DNM3: variants seen among roughly 807,000 people sequenced by gnomAD.
The protein encoded by DNM3 is dynamin 3.
A neutral mutation model predicts 101.6 loss-of-function variants in DNM3; 47 were observed. The ratio of observed to expected loss-of-function variants is 0.46; its 90% CI spans 0.37 to 0.59. The LOEUF is 0.59. Ranked by LOEUF, DNM3 falls within the 20% of genes least tolerant of loss-of-function variation. The pLI is 0.00. For missense variants in DNM3, 849 were observed against 1,085.7 expected, an observed-to-expected ratio of 0.78 and a Z score of 3.06; for synonymous variants, 385 against 387.9, an observed-to-expected ratio of 0.99 and a Z score of 0.09.
rs535906447 is a variant in DNM3, at chr1:172,116,944, G to A, written c.1546-14231G>A. On this transcript the variant is annotated intron_variant, in intron 13 of 20. Coordinates refer to ENST00000627582, the MANE Select transcript of DNM3 (RefSeq NM_015569.5). Reference sequence around the variant, plus strand: ...CACTGGGCCGGACGTGGTGGTTCCCGCTTGTATTCCCATCACTTTGGGAGG... The same window carrying A: ...CACTGGGCCGGACGTGGTGGTTCCCACTTGTATTCCCATCACTTTGGGAGG... Among the ~76,000 whole-genome samples, 107 of 152,082 alleles carry A rather than the reference G, an allele frequency of 7.0e-4. 1 individual carries two copies. In the Middle Eastern group the frequency reaches 0.01, roughly 15 times the overall value.
chr1:171,970,783 T>C (rs947489458), intron 2 of DNM3, among the ~76,000 whole-genome samples: 1 of 146,246 alleles, frequency 6.8e-6, no homozygotes, highest in African/African-American at 2.4e-5. Context: ...TGGTCACTGT[T>C]TTTCAATGGG....
At chr1:172,093,644 A>G in intron 13 of DNM3, 1 of 1,542,016 alleles carries the variant, frequency 6.5e-7, no homozygotes, top group Non-Finnish European at 8.8e-7. Context: ...AACAGACTTT[A>G]TTTTAAAAAC....
intron 1 of DNM3, among the ~76,000 whole-genome samples, chr1:171,903,573 A>C (rs1487179952): frequency 6.6e-6 from 1 of 152,222 alleles, no homozygotes. Flanking sequence ...AAGTACAGGT[A>C]AAAGAGAGTT....
intron 14 of DNM3, among the ~76,000 whole-genome samples, chr1:172,157,528 T>A (rs927290945): frequency 1.3e-5 from 2 of 152,096 alleles, no homozygotes; most frequent in Non-Finnish European, 2.9e-5. Context: ...TATGAAGCAC[T>A]TAGGATATAC....
At chr1:172,147,993 C>G (rs1463175289) in intron 14 of DNM3, among the ~76,000 whole-genome samples, 3 of 151,866 alleles carry the variant, frequency 2.0e-5, no homozygotes, top group Non-Finnish European at 4.4e-5. Flanking sequence ...TATTATCATC[C>G]CCATTTTATT....
intron 14 of DNM3, chr1:172,139,594 G>GT (rs897033561): frequency 4.7e-4 from 72 of 152,464 alleles, no homozygotes; most frequent in African/African-American, 1.6e-3. Context: ...AGGCAGTTGT[G>GT]AGCTTAAGTT....
intron 14 of DNM3, among the ~76,000 whole-genome samples, chr1:172,229,980 C>T (rs2061273367): frequency 6.6e-6 from 1 of 152,174 alleles, no homozygotes; most frequent in African/African-American, 2.4e-5. Flanking sequence ...ATCCTTTGCT[C>T]TTGCTTTTAT....
chr1:172,086,554 A>C (rs1406137673), intron 12 of DNM3, among the ~76,000 whole-genome samples: 1 of 151,632 alleles, frequency 6.6e-6, no homozygotes, highest in Non-Finnish European at 1.5e-5. Context: ...AGTGCAATGA[A>C]GGCAATAAAT....
intron 2 of DNM3, among the ~76,000 whole-genome samples, chr1:171,942,382 AC>A (rs1456877555): frequency 1.3e-5 from 2 of 152,056 alleles, no homozygotes; most frequent in Admixed American, 6.6e-5. Flanking sequence ...TATACAGCAA[AC>A]TTTTATGTAA....
intron 1 of DNM3, among the ~76,000 whole-genome samples, chr1:171,881,428 T>G (rs185705767): frequency 1.4e-3 from 208 of 152,326 alleles, no homozygotes; most frequent in African/African-American, 4.9e-3. Flanking sequence ...AAAATTCTCC[T>G]GTGACGTTTT....
chr1:171,962,184 G>A (rs528825380), intron 2 of DNM3, among the ~76,000 whole-genome samples: 2 of 152,336 alleles, frequency 1.3e-5, no homozygotes, highest in African/African-American at 4.8e-5. Flanking sequence ...AATTTATGAA[G>A]ACAGAGCTTT....
chr1:172,012,516 C>CT (rs1160090162), intron 4 of DNM3, among the ~76,000 whole-genome samples: 8 of 151,812 alleles, frequency 5.3e-5, no homozygotes, highest in African/African-American at 1.7e-4. Context: ...TATGTGGATT[C>CT]TTTTTTTTGT....
At chr1:171,947,718 C>A (rs980737740) in intron 2 of DNM3, among the ~76,000 whole-genome samples, 6 of 152,124 alleles carry the variant, frequency 3.9e-5, no homozygotes. Context: ...TTACTCTTTG[C>A]GCATCTCCTC....
intron 10 of DNM3, 100 bp from the exon 11 acceptor site, chr1:172,068,719 G>T: frequency 3.9e-6 from 4 of 1,038,610 alleles, no homozygotes; most frequent in Non-Finnish European, 5.8e-6. Context: ...TTCCAGAATG[G>T]CAATGAATAT....
At chr1:172,254,972 T>G (rs2062340781) in intron 15 of DNM3, among the ~76,000 whole-genome samples, 1 of 152,156 alleles carries the variant, frequency 6.6e-6, no homozygotes, top group Non-Finnish European at 1.5e-5. Context: ...TATCTTTATT[T>G]AGCAATGAAT....
At chr1:172,256,177 A>G (rs1371836265) in intron 15 of DNM3, among the ~76,000 whole-genome samples, 1 of 152,060 alleles carries the variant, frequency 6.6e-6, no homozygotes, top group Non-Finnish European at 1.5e-5. Flanking sequence ...TCCTTTTTAT[A>G]TTATTTCTGC....
At chr1:172,042,522 A>G (rs2049462484) in intron 8 of DNM3, among the ~76,000 whole-genome samples, 1 of 152,204 alleles carries the variant, frequency 6.6e-6, no homozygotes. Flanking sequence ...CGAAAGTTTC[A>G]AATGTTTTTA....
chr1:171,991,281 A>C (rs1210550000), intron 4 of DNM3, among the ~76,000 whole-genome samples: 3 of 152,070 alleles, frequency 2.0e-5, no homozygotes, highest in African/African-American at 7.2e-5. Context: ...ACACTGATTG[A>C]GGGTTCAGTC....
chr1:172,014,924 G>A (rs910363350), intron 4 of DNM3, among the ~76,000 whole-genome samples: 2 of 152,000 alleles, frequency 1.3e-5, no homozygotes, highest in South Asian at 4.1e-4. Context: ...TCAGCTTTGT[G>A]GGTCTATTAC....
Sources: allele counts gnomAD v4.1 joint callset (sites outside exome capture counted in the v4.1 genomes callset), GRCh38; gene constraint gnomAD v4.1.1; transcripts MANE v1.5; gene names NCBI Gene and HGNC (gene_info 2026-07-23, HGNC 2026-07-21).